The following BNC2 variants were observed in gnomAD, a reference collection of about 807,000 sequenced individuals.
BNC2 encodes zinc finger protein basonuclin-2.
BNC2 carries 20 observed loss-of-function variants against 76.3 expected under a neutral mutation model. That is an observed-to-expected ratio of 0.26 (90% CI 0.18 to 0.38). BNC2 has a LOEUF of 0.38. BNC2 is among the 10% of genes least tolerant of loss of function. BNC2 has a pLI of 1.00. For missense variants in BNC2, 1,382 were observed against 1,399.8 expected (o/e 0.99, Z 0.20); for synonymous variants, 582 against 514.8 (o/e 1.13, Z -1.77).
intron 6 of BNC2, among the ~76,000 whole-genome samples, chr9:16,422,333 A>G (rs1820726620): frequency 6.6e-6 from 1 of 152,152 alleles, no homozygotes; most frequent in African/African-American, 2.4e-5. Flanking sequence ...ATATAATTAC[A>G]TTGACTTTTA....
intron 3 of BNC2, among the ~76,000 whole-genome samples, chr9:16,629,573 G>C (rs1821100261): frequency 6.6e-6 from 1 of 152,200 alleles, no homozygotes; most frequent in Non-Finnish European, 1.5e-5. Flanking sequence ...ACCAACAGTA[G>C]TGGGGAAAGA....
At chr9:16,628,566 C>A (rs561314401) in intron 3 of BNC2, among the ~76,000 whole-genome samples, 1 of 152,074 alleles carries the variant, frequency 6.6e-6, no homozygotes, top group Non-Finnish European at 1.5e-5. Flanking sequence ...GGGGGAGGAA[C>A]GGCACAGGAT....
At chr9:16,650,958 C>T (rs1821779307) in intron 3 of BNC2, among the ~76,000 whole-genome samples, 2 of 152,208 alleles carry the variant, frequency 1.3e-5, no homozygotes, top group Middle Eastern at 6.8e-3. Context: ...GCTTTTCTTT[C>T]TAGTCAGATA....
intron 4 of BNC2, 56 bp from the exon 5 acceptor site, chr9:16,552,821 G>C: frequency 1.5e-6 from 2 of 1,372,520 alleles, no homozygotes; most frequent in Non-Finnish European, 2.1e-6. Context: ...AAGATAAAGA[G>C]AGAGAACAGG....
chr9:16,621,316 C>G (rs1419556058), intron 3 of BNC2, among the ~76,000 whole-genome samples: 2 of 152,112 alleles, frequency 1.3e-5, no homozygotes, highest in South Asian at 4.1e-4. Flanking sequence ...AAAGGAGAAA[C>G]AGAGGGAAAC....
intron 3 of BNC2, among the ~76,000 whole-genome samples, chr9:16,623,459 C>G (rs1247944223): frequency 6.6e-6 from 1 of 152,094 alleles, no homozygotes; most frequent in Non-Finnish European, 1.5e-5. Flanking sequence ...CAAGTAGATG[C>G]AAGTGAAGGA....
intron 3 of BNC2, among the ~76,000 whole-genome samples, chr9:16,718,720 T>C (rs1451807656): frequency 6.6e-6 from 1 of 152,166 alleles, no homozygotes; most frequent in Non-Finnish European, 1.5e-5. Context: ...TAGCATAGTA[T>C]AAGGAATAAT....
At chr9:16,626,844 T>C (rs1587249467) in intron 3 of BNC2, among the ~76,000 whole-genome samples, 1 of 152,272 alleles carries the variant, frequency 6.6e-6, no homozygotes, top group Non-Finnish European at 1.5e-5. Flanking sequence ...AGCAACTGCC[T>C]GTGACCCAGC....
chr9:16,730,010 C>G lies in BNC2; in HGVS notation c.130-2013G>C, dbSNP rs192299902. 3.4e-4 allele frequency among the ~76,000 whole-genome samples: 51 copies of G among 151,866 alleles called. No homozygotes were observed. The East Asian group carries it at 3.7e-3, about 11-fold the overall frequency. On this transcript the variant is annotated intron_variant, in intron 2 of 6. Coordinates refer to ENST00000380672, the MANE Select transcript of BNC2 (RefSeq NM_017637.6). ...CGCCCTCTCCTTGTCTCTTTCTCCC[C>G]CTCCTTCACTCCCTCTTCCTCTTTT...
chr9:16,457,456 A>C (rs997575520), intron 5 of BNC2, among the ~76,000 whole-genome samples: 5 of 152,212 alleles, frequency 3.3e-5, no homozygotes, highest in African/African-American at 1.2e-4. Flanking sequence ...AGCACAGGGC[A>C]ACATGCATGG....
Position 16,569,937 on chromosome 9 carries a change from T to G in BNC2, c.433+13046A>C, listed in dbSNP as rs1396071191. Among the ~76,000 whole-genome samples the G allele has an allele frequency of 3.9e-5, 6 of 152,334 alleles. No individual in the cohort carries two copies. The South Asian group carries it at 1.2e-3, about 32-fold the overall frequency. The stretch of plus-strand genomic sequence containing the variant: ...TATCCAGTTTATGTACCAATGGATT[T>G]AATACACAGTACACTGACTATAAAA... On this transcript the variant is annotated intron_variant, in intron 4 of 6. Transcript: ENST00000380672.
At chr9:16,791,449 G>T (rs904942688) in intron 1 of BNC2, among the ~76,000 whole-genome samples, 2 of 152,100 alleles carry the variant, frequency 1.3e-5, no homozygotes, top group African/African-American at 4.8e-5. Context: ...ACTGAAAATT[G>T]TGTATATTAA....
chr9:16,660,079 T>C (rs1184434379), intron 3 of BNC2, among the ~76,000 whole-genome samples: 7 of 152,228 alleles, frequency 4.6e-5, no homozygotes, highest in Admixed American at 3.3e-4. Flanking sequence ...AGGGACCCCA[T>C]AATTAGTTGT....
intron 3 of BNC2, among the ~76,000 whole-genome samples, chr9:16,635,818 T>G (rs1221951461): frequency 6.6e-6 from 1 of 151,990 alleles, no homozygotes; most frequent in Non-Finnish European, 1.5e-5. Context: ...AAAGTAAAGG[T>G]TTCTTCAACA....
At chr9:16,614,754 C>G (rs1782390804) in intron 3 of BNC2, among the ~76,000 whole-genome samples, 3 of 151,816 alleles carry the variant, frequency 2.0e-5, no homozygotes, top group Admixed American at 2.0e-4. Context: ...CAAGACCAGC[C>G]TTGGCAACAC....
At chr9:16,594,342 G>C (rs1012752871) in intron 3 of BNC2, among the ~76,000 whole-genome samples, 2 of 152,258 alleles carry the variant, frequency 1.3e-5, no homozygotes, top group South Asian at 2.1e-4. Context: ...TCCTAAGTCA[G>C]TATCTTTCCC....
rs12003924 is a variant in BNC2, at chr9:16,800,213, A to C, written c.4-61728T>G. Among the ~76,000 whole-genome samples the C allele has an allele frequency of 7.7e-3, 1,023 of 133,196 alleles. 12 individuals carry two copies. The highest frequency in any genetic ancestry group is 0.025 in the African/African-American group (952 of 38,330). 87.4% of individuals were successfully genotyped at this position (133,196 alleles called of 152,430 possible). On this transcript the variant is annotated intron_variant, in intron 1 of 6. Coordinates refer to ENST00000380672, the MANE Select transcript of BNC2 (RefSeq NM_017637.6). ...GCACGCCAGCCTGGGTGACAAAGCA[A>C]GACTCCATCTCAAAAAAAAAAAAGA...
chr9:16,675,959 G>A (rs1181152279), intron 3 of BNC2, among the ~76,000 whole-genome samples: 1 of 152,084 alleles, frequency 6.6e-6, no homozygotes, highest in Non-Finnish European at 1.5e-5. Flanking sequence ...CAGCTACTCA[G>A]GAGGCTGAGG....
rs544642014 is a variant in BNC2 at position 16,642,172 on chromosome 9, C to T, written c.331-59087G>A. Among the ~76,000 whole-genome samples the T allele has an allele frequency of 1.2e-3, 185 of 152,238 alleles. 1 individual carries two copies. The highest frequency in any genetic ancestry group is 6.8e-3 in the Middle Eastern group (2 of 294). ...CCACTTCGTTATCCTTGAAATTACA[C>T]CTAATATAATACAAGTTTTGTTGTT... On this transcript the variant is annotated intron_variant, in intron 3 of 6. Coordinates refer to ENST00000380672, the MANE Select transcript of BNC2 (RefSeq NM_017637.6).
Sources: allele counts gnomAD v4.1 joint callset (sites outside exome capture counted in the v4.1 genomes callset), GRCh38; gene constraint gnomAD v4.1.1; transcripts MANE v1.5; gene names NCBI Gene and HGNC (gene_info 2026-07-23, HGNC 2026-07-21).